Variants in WNK3 observed in about 807,000 individuals in gnomAD.
WNK3 encodes WNK lysine deficient protein kinase 3.
WNK3 carries 18 observed loss-of-function variants against 116.7 expected under a neutral mutation model. The ratio of observed to expected loss-of-function variants is 0.15; its 90% CI spans 0.11 to 0.23. The LOEUF (loss-of-function observed/expected upper bound fraction) is 0.23, where lower values mean the gene tolerates loss of function less well. WNK3 is among the 10% of genes least tolerant of loss of function. The pLI is 1.00. For missense variants in WNK3, 993 were observed against 1,323.8 expected, an observed-to-expected ratio of 0.75 and a Z score of 3.88; for synonymous variants, 404 against 469.4, an observed-to-expected ratio of 0.86 and a Z score of 1.80.
chrX:54,238,421 G>C, exon 19 of WNK3: 1 of 1,211,023 alleles, frequency 8.3e-7, no homozygotes, highest in South Asian at 1.8e-5. Flanking sequence ...GGACTCCCGT[G>C]TCAGAGGAAT....
chrX:54,327,975 TAAAAAAGAAAAA>T (rs1470164208), intron 2 of WNK3, among the ~76,000 whole-genome samples: 2 of 75,450 alleles, frequency 2.7e-5, no homozygotes, highest in African/African-American at 9.9e-5. Flanking sequence ...TCTCAAAAAA[TAAAAAAGAAAAA>T]AAAAAAGAAA....
At chrX:54,314,204 C>CAAAAAAAAAAAAAAAAAAAA (rs1302269954) in intron 2 of WNK3, among the ~76,000 whole-genome samples, 1 of 78,347 alleles carries the variant, frequency 1.3e-5, no homozygotes. Context: ...AAAAAAAAAA[C>CAAAAAAAAAAAAAAAAAAAA]AAAAAAAAAA....
At chrX:54,268,680 C>T (rs782618783) in intron 10 of WNK3, among the ~76,000 whole-genome samples, 201 of 110,916 alleles carry the variant, frequency 1.8e-3, no homozygotes, top group African/African-American at 6.1e-3. Flanking sequence ...GACACAAATG[C>T]TACCATGAAT....
chrX:54,332,740 T>G (rs1460064776), intron 2 of WNK3, among the ~76,000 whole-genome samples: 1 of 108,068 alleles, frequency 9.3e-6, no homozygotes, highest in East Asian at 2.9e-4. Flanking sequence ...ACCAAAAAAT[T>G]AGCGGGGCGT....
At chrX:54,282,611 A>G (rs1279656499) in intron 10 of WNK3, among the ~76,000 whole-genome samples, 1 of 111,848 alleles carries the variant, frequency 8.9e-6, no homozygotes, top group Non-Finnish European at 1.9e-5. Context: ...TGGAAATGCA[A>G]GGGACTCAGA....
Position 54,198,583 on chromosome X carries a change from G to C in WNK3, c.5144C>G (p.Pro1715Arg), listed in dbSNP as rs782817875. 2.1e-5 allele frequency: 25 copies of C among 1,207,899 alleles called. No individual in the cohort carries two copies. In the Admixed American group the frequency reaches 5.1e-4, roughly 24 times the overall value. ...TGAGAGTCCTTGTGGCAAGGAAGTT[G>C]GGACAGCTCCACGGATTTGGGACAG... The change falls in exon 24 of 24, where the codon CCA (proline) becomes CGA (arginine). Residue 1715 changes from proline (P) to arginine (R), a missense_variant. Transcript: ENST00000354646.
intron 2 of WNK3, among the ~76,000 whole-genome samples, chrX:54,314,213 A>C (rs1173212708): frequency 2.8e-5 from 3 of 108,590 alleles, no homozygotes; most frequent in Non-Finnish European, 5.7e-5. Flanking sequence ...ACAAAAAAAA[A>C]AAAAACAAAA....
intron 20 of WNK3, among the ~76,000 whole-genome samples, chrX:54,236,254 C>CA (rs2067960183): frequency 9.2e-6 from 1 of 108,941 alleles, no homozygotes; most frequent in Non-Finnish European, 1.9e-5. Flanking sequence ...GGAGTACAGG[C>CA]GTCTGCCACC....
intron 17 of WNK3, among the ~76,000 whole-genome samples, chrX:54,240,945 G>A (rs1487695403): frequency 5.4e-5 from 6 of 111,182 alleles, no homozygotes; most frequent in Non-Finnish European, 7.5e-5. Flanking sequence ...AAAAACAGAG[G>A]TTTTGACTTA....
At chrX:54,194,627 GCT>G (rs1569534480) in exon 24 of WNK3, 1 of 110,909 alleles carries the variant, frequency 9.0e-6, no homozygotes, top group Non-Finnish European at 1.9e-5. Context: ...GAAGCACATG[GCT>G]CTCCACTTAA....
chrX:54,308,283 C>T (rs1431804361), intron 4 of WNK3, among the ~76,000 whole-genome samples: 1 of 110,588 alleles, frequency 9.0e-6, no homozygotes, highest in Admixed American at 9.8e-5. Flanking sequence ...CCTCTGCCAC[C>T]CGGGTTCAAG....
At chrX:54,230,155 C>T in intron 21 of WNK3, among the ~76,000 whole-genome samples, 1 of 111,079 alleles carries the variant, frequency 9.0e-6, no homozygotes, top group Non-Finnish European at 1.9e-5. Context: ...ACAGAAAAAA[C>T]TCTCGAAAAT....
chrX:54,248,928 G>C, exon 17 of WNK3: 2 of 1,211,204 alleles, frequency 1.7e-6, no homozygotes, highest in Non-Finnish European at 2.2e-6. Context: ...GAGAGTCTAT[G>C]CTTTGGGTAT....
At chrX:54,312,732 C>T (rs190878317) in intron 2 of WNK3, among the ~76,000 whole-genome samples, 8 of 111,631 alleles carry the variant, frequency 7.2e-5, no homozygotes, top group African/African-American at 2.3e-4. Flanking sequence ...TGAGCTATTG[C>T]GCCCGGCCTT....
chrX:54,350,076 CCAAAAA>C (rs1198222562), intron 1 of WNK3, among the ~76,000 whole-genome samples: 2 of 110,951 alleles, frequency 1.8e-5, no homozygotes, highest in Admixed American at 1.9e-4. Context: ...TAAAGCCCTA[CCAAAAA>C]CCAGTCACAA....
chrX:54,310,986 G>A (rs1424391819), intron 3 of WNK3, 133 bp downstream of exon 3: 3 of 446,364 alleles, frequency 6.7e-6, no homozygotes, highest in African/African-American at 5.1e-5. Context: ...AAAGTGCTGG[G>A]ATTACAGGTG....
At chrX:54,292,897 T>C in exon 10 of WNK3, 1 of 1,209,689 alleles carries the variant, frequency 8.3e-7, no homozygotes, top group Non-Finnish European at 1.1e-6. Context: ...CCTTTATCTG[T>C]GGGACCTTCT....
intron 21 of WNK3, 147 bp downstream of exon 21, chrX:54,232,662 C>T (rs2067914995): frequency 2.0e-6 from 1 of 511,412 alleles, no homozygotes; most frequent in East Asian, 3.8e-5. Flanking sequence ...GGACATTTAA[C>T]ATCAAAAACA....
intron 10 of WNK3, among the ~76,000 whole-genome samples, chrX:54,265,470 G>C (rs782401422): frequency 3.6e-5 from 4 of 110,509 alleles, no homozygotes; most frequent in Non-Finnish European, 7.6e-5. Context: ...CTGGGTGACA[G>C]AGCGAGACTC....
Sources: gnomAD v4.1 joint callset for allele counts (sites outside exome capture counted in the v4.1 genomes callset) on GRCh38, gnomAD v4.1.1 for gene constraint, MANE v1.5 for transcripts, NCBI Gene and HGNC (gene_info 2026-07-23, HGNC 2026-07-21) for gene names.